Variants in OPCML observed in about 807,000 individuals in gnomAD.
OPCML encodes opioid-binding protein/cell adhesion molecule.
Under a neutral mutation model 37.8 loss-of-function variants are expected in OPCML, and 13 were observed. That is an observed-to-expected ratio of 0.34 (90% CI 0.22 to 0.55). The LOEUF is 0.55. OPCML is among the 20% of genes least tolerant of loss of function. The pLI, the probability that OPCML is intolerant of heterozygous loss-of-function variation, is 0.91. For missense variants in OPCML, 341 were observed against 435.6 expected (o/e 0.78, Z 1.93); for synonymous variants, 176 against 168.8 (o/e 1.04, Z -0.33).
intron 1 of OPCML, among the ~76,000 whole-genome samples, chr11:133,001,317 C>T (rs1430703853): frequency 6.6e-6 from 1 of 152,184 alleles, no homozygotes; most frequent in Admixed American, 6.5e-5. Flanking sequence ...CACAGACACA[C>T]CAATGCATGG....
intron 1 of OPCML, among the ~76,000 whole-genome samples, chr11:133,189,873 A>C (rs911336541): frequency 6.6e-6 from 1 of 152,250 alleles, no homozygotes; most frequent in Non-Finnish European, 1.5e-5. Flanking sequence ...GGTTGCTTGC[A>C]GCTAGGGCAA....
At chr11:133,362,785 G>A (rs1417579045) in intron 1 of OPCML, among the ~76,000 whole-genome samples, 1 of 152,022 alleles carries the variant, frequency 6.6e-6, no homozygotes, top group African/African-American at 2.4e-5. Flanking sequence ...CACTGGCCCC[G>A]CGGTGGGAAA....
chr11:132,873,768 G>T (rs76173494), intron 2 of OPCML, among the ~76,000 whole-genome samples: 9 of 145,878 alleles, frequency 6.2e-5, no homozygotes, highest in Non-Finnish European at 1.2e-4. Context: ...AAAGGTGAAA[G>T]ATAACAAAAA....
chr11:133,482,466 T>C (rs980241575), intron 1 of OPCML, among the ~76,000 whole-genome samples: 1 of 152,018 alleles, frequency 6.6e-6, no homozygotes, highest in African/African-American at 2.4e-5. Context: ...AGGATCTGGG[T>C]GCTGCCTTAC....
At chr11:133,399,009 C>T (rs75158499) in intron 1 of OPCML, among the ~76,000 whole-genome samples, 793 of 152,274 alleles carry the variant, frequency 5.2e-3, no homozygotes, top group Admixed American at 7.7e-3. Flanking sequence ...ATACCTGGTA[C>T]TACAACTGTT....
intron 1 of OPCML, among the ~76,000 whole-genome samples, chr11:133,401,716 A>C (rs963615400): frequency 6.6e-6 from 1 of 152,328 alleles, no homozygotes; most frequent in Non-Finnish European, 1.5e-5. Context: ...AGCTGAGAAG[A>C]TGTCTAGTTT....
At chr11:132,477,121 A>C (rs1294038530) in intron 4 of OPCML, among the ~76,000 whole-genome samples, 1 of 152,180 alleles carries the variant, frequency 6.6e-6, no homozygotes, top group Non-Finnish European at 1.5e-5. Context: ...CCCAGGTTGG[A>C]GACCACAGAT....
intron 1 of OPCML, among the ~76,000 whole-genome samples, chr11:133,477,678 G>C (rs79010140): frequency 1.3e-5 from 2 of 152,170 alleles, no homozygotes; most frequent in African/African-American, 4.8e-5. Flanking sequence ...CAAACCAGCC[G>C]CATGTCCATC....
rs35643678 is a variant in OPCML, at chr11:133,240,212, CAAAAAAAAAA to C, written c.61+292042_61+292051del. Among the ~76,000 whole-genome samples the C allele has an allele frequency of 1.9e-3, 127 of 66,058 alleles. 1 individual carries two copies. The highest frequency in any genetic ancestry group is 5.9e-3 in the African/African-American group (102 of 17,390). 43.3% of individuals were successfully genotyped at this position (66,058 alleles called of 152,430 possible). ...TGAATGAATACTCCCACACTTGGGG[CAAAAAAAAAA>C]AAAAAAAAAAAAACAGAGGGGCAAA... On this transcript the variant is annotated intron_variant, in intron 1 of 7. Coordinates refer to ENST00000524381, the MANE Select transcript of OPCML (RefSeq NM_001012393.5).
intron 2 of OPCML, among the ~76,000 whole-genome samples, chr11:132,892,979 T>C (rs1038961661): frequency 2.7e-4 from 41 of 152,280 alleles, no homozygotes; most frequent in African/African-American, 9.9e-4. Context: ...TCACAACTTC[T>C]ATTATACAAA....
At chr11:132,567,851 A>T (rs1423794075) in intron 3 of OPCML, among the ~76,000 whole-genome samples, 2 of 152,178 alleles carry the variant, frequency 1.3e-5, no homozygotes, top group Non-Finnish European at 2.9e-5. Flanking sequence ...AGGCTCTAGG[A>T]GTGGGCCTGG....
At chr11:132,861,976 C>A (rs1171386281) in intron 2 of OPCML, among the ~76,000 whole-genome samples, 5 of 151,164 alleles carry the variant, frequency 3.3e-5, no homozygotes, top group Admixed American at 3.3e-4. Context: ...TAAATCATTT[C>A]TTCGAGTTAC....
chr11:133,240,046 T>C (rs930094895), intron 1 of OPCML, among the ~76,000 whole-genome samples: 2 of 151,994 alleles, frequency 1.3e-5, no homozygotes, highest in Non-Finnish European at 2.9e-5. Flanking sequence ...ATTCCAATTA[T>C]TCATTAAATA....
At chr11:132,424,382 G>C (rs1017428378) in intron 7 of OPCML, among the ~76,000 whole-genome samples, 1 of 152,186 alleles carries the variant, frequency 6.6e-6, no homozygotes, top group African/African-American at 2.4e-5. Context: ...GCCTCCCAAA[G>C]TGTGGGGATT....
chr11:133,152,598 G>C (rs1490672248), intron 1 of OPCML, among the ~76,000 whole-genome samples: 1 of 151,328 alleles, frequency 6.6e-6, no homozygotes, highest in Non-Finnish European at 1.5e-5. Flanking sequence ...AGACTGGTCT[G>C]TTTTGACTCT....
At chr11:133,483,818 T>TAGAC (rs1565659755) in intron 1 of OPCML, among the ~76,000 whole-genome samples, 2 of 147,746 alleles carry the variant, frequency 1.4e-5, no homozygotes, top group South Asian at 2.2e-4. Flanking sequence ...GATAGATAGA[T>TAGAC]AGATAGATAG....
At chr11:133,525,141 G>C (rs1258483365) in intron 1 of OPCML, among the ~76,000 whole-genome samples, 1 of 152,220 alleles carries the variant, frequency 6.6e-6, no homozygotes, top group Non-Finnish European at 1.5e-5. Flanking sequence ...CACAGTTTTA[G>C]AAAAGAGAAG....
chr11:133,005,314 C>T, intron 1 of OPCML: 1 of 985,372 alleles, frequency 1.0e-6, no homozygotes, highest in Non-Finnish European at 1.2e-6. Context: ...ATCCATTCCC[C>T]CACATTGCTT....
At chr11:133,496,615 T>C (rs1178422515) in intron 1 of OPCML, among the ~76,000 whole-genome samples, 2 of 152,176 alleles carry the variant, frequency 1.3e-5, no homozygotes, top group African/African-American at 4.8e-5. Context: ...AGTCTTTTGA[T>C]TCTTTTGTTA....
Sources: allele counts gnomAD v4.1 joint callset (sites outside exome capture counted in the v4.1 genomes callset), GRCh38; gene constraint gnomAD v4.1.1; transcripts MANE v1.5; gene names NCBI Gene and HGNC (gene_info 2026-07-23, HGNC 2026-07-21).